The following MFHAS1 variants were observed in gnomAD, a reference collection of about 807,000 sequenced individuals.
MFHAS1 encodes the protein malignant fibrous histiocytoma-amplified sequence 1.
In MFHAS1, 50 loss-of-function variants were observed where a neutral mutation model predicts 70.4. That is an observed-to-expected ratio of 0.71 (90% CI 0.57 to 0.90). MFHAS1 has a LOEUF of 0.90. MFHAS1 is among the 40% of genes least tolerant of loss of function. The pLI, the probability that MFHAS1 is intolerant of heterozygous loss-of-function variation, is 0.00. For synonymous variants in MFHAS1, 952 were observed against 620.0 expected, an observed-to-expected ratio of 1.54 and a Z score of -7.96; for missense variants, 1,795 against 1,347.6, an observed-to-expected ratio of 1.33 and a Z score of -5.20.
At chr8:8,834,744 T>C (rs376031734) in intron 1 of MFHAS1, among the ~76,000 whole-genome samples, 2 of 152,354 alleles carry the variant, frequency 1.3e-5, no homozygotes, top group East Asian at 1.9e-4. Context: ...ACTGTATTCA[T>C]TCATGTAACA....
intron 1 of MFHAS1, among the ~76,000 whole-genome samples, chr8:8,864,428 T>C (rs566695965): frequency 1.5e-4 from 23 of 152,376 alleles, no homozygotes; most frequent in South Asian, 8.3e-4. Context: ...AATGTCTTCC[T>C]ATCAGAATCA....
At chr8:8,795,480 G>C (rs921931699) in intron 2 of MFHAS1, among the ~76,000 whole-genome samples, 2 of 152,230 alleles carry the variant, frequency 1.3e-5, no homozygotes, top group South Asian at 4.1e-4. Context: ...CTTAGGGTCA[G>C]TGATAAATTA....
chr8:8,878,386 C>T lies in MFHAS1; in HGVS notation c.2998+11675G>A, dbSNP rs1321096646. 3.9e-5 allele frequency among the ~76,000 whole-genome samples: 6 copies of T among 152,110 alleles called. No individual in the cohort carries two copies. The East Asian group carries it at 7.7e-4, about 20-fold the overall frequency. ...CAAAGACAGTAATAATACCTACTTC[C>T]TAGGGCTGCTGTGGGGATTAAATAA... On this transcript the variant is annotated intron_variant, in intron 1 of 2. Coordinates refer to ENST00000276282, the MANE Select transcript of MFHAS1 (RefSeq NM_004225.3).
chr8:8,880,100 G>A (rs148561767), intron 1 of MFHAS1, among the ~76,000 whole-genome samples: 517 of 152,268 alleles, frequency 3.4e-3, no homozygotes, highest in Middle Eastern at 6.8e-3. Flanking sequence ...AGGCTTGGAT[G>A]CCCTCCTTTC....
intron 1 of MFHAS1, among the ~76,000 whole-genome samples, chr8:8,821,552 C>A (rs777802389): frequency 6.6e-6 from 1 of 152,142 alleles, no homozygotes; most frequent in Non-Finnish European, 1.5e-5. Context: ...TTGATTTATG[C>A]CAGAACTTCA....
chr8:8,835,362 T>C (rs1328546589), intron 1 of MFHAS1, among the ~76,000 whole-genome samples: 1 of 152,232 alleles, frequency 6.6e-6, no homozygotes, highest in East Asian at 1.9e-4. Context: ...AACACTATCC[T>C]GTCCCACGGG....
At chr8:8,869,901 G>T (rs1258850321) in intron 1 of MFHAS1, among the ~76,000 whole-genome samples, 2 of 152,044 alleles carry the variant, frequency 1.3e-5, no homozygotes, top group African/African-American at 4.8e-5. Context: ...ACCTACCTGG[G>T]GGCCTCTATT....
chr8:8,855,889 C>T (rs548122719), intron 1 of MFHAS1, among the ~76,000 whole-genome samples: 1 of 152,112 alleles, frequency 6.6e-6, no homozygotes, highest in African/African-American at 2.4e-5. Context: ...ATGCTTTCTG[C>T]CGTTATTTTC....
intron 1 of MFHAS1, among the ~76,000 whole-genome samples, chr8:8,804,004 G>A (rs1418752054): frequency 1.3e-5 from 2 of 152,026 alleles, no homozygotes; most frequent in Non-Finnish European, 1.5e-5. Context: ...TAAAGCATCC[G>A]GGAGGATGTT....
At chr8:8,867,558 C>A in intron 1 of MFHAS1, among the ~76,000 whole-genome samples, 1 of 151,472 alleles carries the variant, frequency 6.6e-6, no homozygotes, top group African/African-American at 2.4e-5. Context: ...TTATAAATTG[C>A]TATACTTTTT....
intron 2 of MFHAS1, among the ~76,000 whole-genome samples, chr8:8,793,719 G>A (rs1805795391): frequency 6.6e-6 from 1 of 152,236 alleles, no homozygotes; most frequent in African/African-American, 2.4e-5. Flanking sequence ...TGACCACAGA[G>A]CAGTCCTAAG....
chr8:8,836,712 T>C (rs1807608911), intron 1 of MFHAS1, among the ~76,000 whole-genome samples: 1 of 152,174 alleles, frequency 6.6e-6, no homozygotes, highest in Admixed American at 6.5e-5. Flanking sequence ...TCCTGGTATC[T>C]CCATTCATCT....
intron 1 of MFHAS1, among the ~76,000 whole-genome samples, chr8:8,889,515 T>A (rs1013603076): frequency 1.3e-5 from 2 of 152,236 alleles, no homozygotes; most frequent in East Asian, 3.8e-4. Context: ...AGGGGATGGA[T>A]ACCGCATTTT....
intron 1 of MFHAS1, among the ~76,000 whole-genome samples, chr8:8,888,431 G>A (rs1809853708): frequency 2.0e-5 from 3 of 152,054 alleles, no homozygotes; most frequent in Admixed American, 1.3e-4. Flanking sequence ...TGAGAAACGT[G>A]CAAGGATGCT....
In MFHAS1 at chr8:8,783,713, C is replaced by G. The variant is rs989912475; in HGVS notation, c.*2309G>C. 6.6e-6 allele frequency: 1 copy of G among 152,234 alleles called. No individual in the cohort carries two copies. The allele number at this position is 152,234 out of a possible 1,614,324, so 9.4% of individuals were successfully genotyped here. The stretch of plus-strand genomic sequence containing the variant: ...GGCAAGGGACGCCTTGCTTAGAAAA[C>G]ATTCCTCTTGTGCTTAGTGAATCAC... On this transcript the variant is annotated 3_prime_UTR_variant, in exon 3 of 3. Coordinates refer to ENST00000276282, the MANE Select transcript of MFHAS1 (RefSeq NM_004225.3).
intron 1 of MFHAS1, among the ~76,000 whole-genome samples, chr8:8,810,746 T>C (rs1806515178): frequency 6.6e-6 from 1 of 152,158 alleles, no homozygotes; most frequent in Non-Finnish European, 1.5e-5. Context: ...AGGAGTCAAA[T>C]GTTATATGTG....
chr8:8,815,836 T>C (rs1391747624), intron 1 of MFHAS1, among the ~76,000 whole-genome samples: 1 of 152,188 alleles, frequency 6.6e-6, no homozygotes, highest in Non-Finnish European at 1.5e-5. Flanking sequence ...CATATATCCA[T>C]ACAAAGACTT....
chr8:8,818,232 G>C (rs902572606), intron 1 of MFHAS1, among the ~76,000 whole-genome samples: 1 of 147,566 alleles, frequency 6.8e-6, no homozygotes, highest in Admixed American at 6.7e-5. Flanking sequence ...GCCCTTTGTG[G>C]TTGAAGACAA....
intron 1 of MFHAS1, among the ~76,000 whole-genome samples, chr8:8,869,824 T>C (rs1413704574): frequency 6.6e-6 from 1 of 152,198 alleles, no homozygotes; most frequent in Non-Finnish European, 1.5e-5. Context: ...AGCTCAGAGC[T>C]AGGAGGAGAG....
Sources: gnomAD v4.1 joint callset for allele counts (sites outside exome capture counted in the v4.1 genomes callset) on GRCh38, gnomAD v4.1.1 for gene constraint, MANE v1.5 for transcripts, NCBI Gene and HGNC (gene_info 2026-07-23, HGNC 2026-07-21) for gene names.